The following CXCL13 variants were observed in gnomAD, a reference collection of about 807,000 sequenced individuals.
The protein encoded by CXCL13 is C-X-C motif chemokine 13.
A neutral mutation model predicts 12.2 loss-of-function variants in CXCL13; 7 were observed. The observed-to-expected ratio is 0.57, with a 90% CI of 0.33 to 1.07. CXCL13 has a LOEUF of 1.07. CXCL13 is among the 50% of genes least tolerant of loss of function. The pLI is 0.04. For synonymous variants in CXCL13, 47 were observed against 42.4 expected, an observed-to-expected ratio of 1.11 and a Z score of -0.42; for missense variants, 113 against 127.4, an observed-to-expected ratio of 0.89 and a Z score of 0.55.
At position 77,559,947 on chromosome 4, in the gene CXCL13, G is replaced by A. The variant is rs1332368575; in HGVS notation, c.-42-45877G>A. Among the ~76,000 whole-genome samples, 6 of 146,610 alleles carry A rather than the reference G, an allele frequency of 4.1e-5. No homozygotes were observed. In the South Asian group the frequency reaches 6.4e-4, roughly 16 times the overall value. Reference sequence around the variant, plus strand: ...AAAAAAAAAAAAAAAAAAACCTGACGCTCAATGTGCTTTCCAAATATCTTG... The same window carrying A: ...AAAAAAAAAAAAAAAAAAACCTGACACTCAATGTGCTTTCCAAATATCTTG... On this transcript the variant is annotated intron_variant, in intron 1 of 4. Transcript: ENST00000286758.
At position 77,611,219 on chromosome 4, in the gene CXCL13, C is replaced by T. The variant is rs905535601; in HGVS notation, c.*180C>T. 1 of 571,064 alleles carries T rather than the reference C, an allele frequency of 1.8e-6. No homozygotes were observed. The highest frequency in any genetic ancestry group is 3.1e-6 in the Non-Finnish European group (1 of 321,964). 35.4% of individuals were successfully genotyped at this position (571,064 alleles called of 1,614,324 possible). A position where few individuals can be genotyped will look rare whatever the true frequency, so the allele number is the denominator to read the frequency against. On this transcript the variant is annotated 3_prime_UTR_variant, in exon 4 of 4. Coordinates refer to ENST00000682537, the MANE Select transcript of CXCL13 (RefSeq NM_001371558.1). Reference sequence around the variant, plus strand: ...CAAACTCAAGCTTCTTCACTCACAGCACCCTATATACACTTGGAGTTTGCA... The same window carrying T: ...CAAACTCAAGCTTCTTCACTCACAGTACCCTATATACACTTGGAGTTTGCA...
At chr4:77,591,804 C>CA (rs1726618871) in intron 1 of CXCL13, among the ~76,000 whole-genome samples, 1 of 152,202 alleles carries the variant, frequency 6.6e-6, no homozygotes, top group Admixed American at 6.5e-5. Context: ...CTGCTGCCAG[C>CA]AAGTGCCTGT....
chr4:77,556,603 A>G (rs1049815393), intron 1 of CXCL13, among the ~76,000 whole-genome samples: 1 of 152,232 alleles, frequency 6.6e-6, no homozygotes, highest in Non-Finnish European at 1.5e-5. Context: ...ATTAAACCTC[A>G]TTAAGATTGA....
chr4:77,546,557 G>C (rs1228981640), intron 1 of CXCL13, among the ~76,000 whole-genome samples: 1 of 152,202 alleles, frequency 6.6e-6, no homozygotes, highest in Non-Finnish European at 1.5e-5. Flanking sequence ...AGTATTCTCT[G>C]ATGGTAGTTT....
At chr4:77,567,218 C>A (rs751293888) in intron 1 of CXCL13, among the ~76,000 whole-genome samples, 1 of 152,162 alleles carries the variant, frequency 6.6e-6, no homozygotes, top group African/African-American at 2.4e-5. Flanking sequence ...CTAACTCCAC[C>A]GCCTATCCCA....
At chr4:77,571,985 G>A (rs1726095997) in intron 1 of CXCL13, among the ~76,000 whole-genome samples, 1 of 151,706 alleles carries the variant, frequency 6.6e-6, no homozygotes, top group Non-Finnish European at 1.5e-5. Context: ...TCCTGAGCCA[G>A]CAAGACCACG....
chr4:77,529,794 C>T (rs547288828), intron 1 of CXCL13, among the ~76,000 whole-genome samples: 3 of 152,244 alleles, frequency 2.0e-5, no homozygotes, highest in East Asian at 1.9e-4. Context: ...TTGCCCTGGC[C>T]AGAACTTCCA....
At chr4:77,514,534 AT>A (rs1420565136) in intron 1 of CXCL13, among the ~76,000 whole-genome samples, 1 of 146,620 alleles carries the variant, frequency 6.8e-6, no homozygotes, top group African/African-American at 2.5e-5. Flanking sequence ...TGTGGTTTTG[AT>A]TTGCATTTCT....
At chr4:77,515,214 G>A (rs1724385024) in intron 1 of CXCL13, among the ~76,000 whole-genome samples, 1 of 152,186 alleles carries the variant, frequency 6.6e-6, no homozygotes, top group South Asian at 2.1e-4. Flanking sequence ...CTGTAGCCTT[G>A]TAGTATAGTT....
intron 1 of CXCL13, among the ~76,000 whole-genome samples, chr4:77,582,788 G>A (rs1049695435): frequency 2.0e-5 from 3 of 152,204 alleles, no homozygotes; most frequent in African/African-American, 7.2e-5. Flanking sequence ...GGAAGAGACA[G>A]GGATTCTAAT....
intron 1 of CXCL13, among the ~76,000 whole-genome samples, chr4:77,530,462 T>G (rs1369610732): frequency 1.3e-5 from 2 of 152,188 alleles, no homozygotes; most frequent in Non-Finnish European, 2.9e-5. Context: ...GAGCCTGTTA[T>G]TGTCTATTCA....
intron 1 of CXCL13, among the ~76,000 whole-genome samples, chr4:77,528,403 A>T (rs1342177687): frequency 6.6e-6 from 1 of 152,166 alleles, no homozygotes; most frequent in Non-Finnish European, 1.5e-5. Context: ...AACAGTGTAA[A>T]AGTGTTCCTA....
intron 1 of CXCL13, among the ~76,000 whole-genome samples, chr4:77,528,706 A>T (rs560184299): frequency 2.0e-5 from 3 of 152,278 alleles, no homozygotes. Flanking sequence ...AGATTGCAAA[A>T]ATGTTCTCCC....
chr4:77,514,039 A>G (rs1724343081), intron 1 of CXCL13, among the ~76,000 whole-genome samples: 1 of 151,972 alleles, frequency 6.6e-6, no homozygotes, highest in South Asian at 2.1e-4. Context: ...CCCACCTATG[A>G]GCGAGAATAT....
intron 1 of CXCL13, among the ~76,000 whole-genome samples, chr4:77,582,529 C>G (rs1361673074): frequency 3.9e-5 from 6 of 151,978 alleles, no homozygotes; most frequent in Non-Finnish European, 8.8e-5. Context: ...GAGTAAATTC[C>G]AGGCAGAAAA....
chr4:77,532,317 G>C (rs1724947781), intron 1 of CXCL13, among the ~76,000 whole-genome samples: 1 of 152,050 alleles, frequency 6.6e-6, no homozygotes, highest in Non-Finnish European at 1.5e-5. Flanking sequence ...GCTTAGTTTG[G>C]CTGGAGATGA....
chr4:77,569,737 A>C (rs1726021927), intron 1 of CXCL13, among the ~76,000 whole-genome samples: 1 of 152,206 alleles, frequency 6.6e-6, no homozygotes, highest in African/African-American at 2.4e-5. Context: ...TTCCTATTAA[A>C]CTACCAAGGA....
intron 1 of CXCL13, among the ~76,000 whole-genome samples, chr4:77,514,451 A>C (rs577219106): frequency 0.026 from 3,673 of 142,658 alleles, 78 homozygotes; most frequent in Admixed American, 0.04. Flanking sequence ...ATTTCTCCAC[A>C]TCCTCTCCAG....
chr4:77,528,826 T>A (rs1471013314), intron 1 of CXCL13, among the ~76,000 whole-genome samples: 3 of 152,240 alleles, frequency 2.0e-5, no homozygotes, highest in Non-Finnish European at 4.4e-5. Flanking sequence ...CCATTGCTTT[T>A]GGTGTTTTAG....
Sources: allele counts gnomAD v4.1 joint callset (sites outside exome capture counted in the v4.1 genomes callset), GRCh38; gene constraint gnomAD v4.1.1; transcripts MANE v1.5; gene names NCBI Gene and HGNC (gene_info 2026-07-23, HGNC 2026-07-21).